The following RBFOX1 variants were observed in gnomAD, a reference collection of about 807,000 sequenced individuals.
RBFOX1 encodes RNA binding protein fox-1 homolog 1.
RBFOX1 carries 8 observed loss-of-function variants against 57.7 expected under a neutral mutation model. That is an observed-to-expected ratio of 0.14 (90% CI 0.08 to 0.25). The LOEUF is 0.25. RBFOX1 is among the 10% of genes least tolerant of loss of function. The pLI is 1.00. For synonymous variants in RBFOX1, 326 were observed against 222.4 expected (o/e 1.47, Z -4.15); for missense variants, 611 against 548.5 (o/e 1.11, Z -1.14).
intron 2 of RBFOX1, among the ~76,000 whole-genome samples, chr16:5,597,454 A>T (rs1223055786): frequency 7.1e-6 from 1 of 141,810 alleles, no homozygotes; most frequent in Non-Finnish European, 1.5e-5. Flanking sequence ...GCTGGAGTGC[A>T]ATGGCGGTGG....
chr16:5,925,930 G>C (rs949041464), intron 4 of RBFOX1, among the ~76,000 whole-genome samples: 1 of 152,066 alleles, frequency 6.6e-6, no homozygotes, highest in Admixed American at 6.5e-5. Context: ...TTATCTCTCC[G>C]TAGACTAAAC....
chr16:6,502,515 G>C (rs935982866), intron 2 of RBFOX1, among the ~76,000 whole-genome samples: 2 of 152,098 alleles, frequency 1.3e-5, no homozygotes, highest in Non-Finnish European at 2.9e-5. Context: ...AGGATTGTAC[G>C]ACATTCTGCA....
intron 4 of RBFOX1, among the ~76,000 whole-genome samples, chr16:7,408,444 C>G (rs545573579): frequency 1.3e-5 from 2 of 152,354 alleles, no homozygotes; most frequent in African/African-American, 4.8e-5. Flanking sequence ...CAGTGCATCT[C>G]TGAAAATATT....
At chr16:5,577,273 C>T (rs79659071) in intron 2 of RBFOX1, among the ~76,000 whole-genome samples, 228 of 152,276 alleles carry the variant, frequency 1.5e-3, no homozygotes, top group African/African-American at 5.1e-3. Flanking sequence ...GGCTCCTGTT[C>T]GTCTGATTGG....
At chr16:5,440,942 CACTT>C (rs2068066194) in intron 1 of RBFOX1, among the ~76,000 whole-genome samples, 1 of 152,134 alleles carries the variant, frequency 6.6e-6, no homozygotes, top group African/African-American at 2.4e-5. Flanking sequence ...TTTCCAGACT[CACTT>C]TGTCATACTT....
chr16:7,126,045 T>C (rs1428407838), intron 4 of RBFOX1, among the ~76,000 whole-genome samples: 3 of 152,116 alleles, frequency 2.0e-5, no homozygotes, highest in African/African-American at 7.2e-5. Context: ...ATCGCACCAT[T>C]GCACTGCAGC....
chr16:6,821,019 C>G (rs1399305834), intron 3 of RBFOX1, among the ~76,000 whole-genome samples: 1 of 152,192 alleles, frequency 6.6e-6, no homozygotes, highest in Non-Finnish European at 1.5e-5. Context: ...GTTATTATCA[C>G]TTAATTCTTA....
At chr16:5,458,010 C>CA (rs1319618493) in intron 1 of RBFOX1, among the ~76,000 whole-genome samples, 1 of 152,140 alleles carries the variant, frequency 6.6e-6, no homozygotes, top group Non-Finnish European at 1.5e-5. Context: ...CCCCTCTTTG[C>CA]TGTCTTGGGG....
chr16:6,327,364 G>A (rs2082493398), intron 2 of RBFOX1, among the ~76,000 whole-genome samples: 1 of 152,050 alleles, frequency 6.6e-6, no homozygotes, highest in Non-Finnish European at 1.5e-5. Flanking sequence ...AATCACTAGA[G>A]TTAATTACTT....
chr16:6,160,424 G>A (rs1364871362), intron 1 of RBFOX1, among the ~76,000 whole-genome samples: 1 of 151,982 alleles, frequency 6.6e-6, no homozygotes, highest in East Asian at 1.9e-4. Flanking sequence ...CTAAAATAGG[G>A]AAGTCAACCT....
chr16:6,992,580 A>G (rs986729492), intron 3 of RBFOX1, among the ~76,000 whole-genome samples: 1 of 152,088 alleles, frequency 6.6e-6, no homozygotes, highest in South Asian at 2.1e-4. Flanking sequence ...TAGTCGTGGT[A>G]TTTCTCTGTG....
chr16:5,499,499 A>ACC (rs2043115199), intron 2 of RBFOX1, among the ~76,000 whole-genome samples: 1 of 152,178 alleles, frequency 6.6e-6, no homozygotes, highest in South Asian at 2.1e-4. Flanking sequence ...GAGAGGCTAC[A>ACC]TCACTTAACC....
At chr16:6,360,009 C>A (rs531319329) in intron 2 of RBFOX1, among the ~76,000 whole-genome samples, 13 of 152,166 alleles carry the variant, frequency 8.5e-5, no homozygotes, top group Non-Finnish European at 1.9e-4. Context: ...GATTACAGAA[C>A]GTGAGGAACA....
At chr16:6,297,985 G>T (rs181875642) in intron 1 of RBFOX1, among the ~76,000 whole-genome samples, 4 of 152,182 alleles carry the variant, frequency 2.6e-5, no homozygotes, top group Non-Finnish European at 5.9e-5. Flanking sequence ...CAGTTCTTTC[G>T]GGGTGCTGGA....
At chr16:6,819,724 A>C (rs1293003628) in intron 3 of RBFOX1, among the ~76,000 whole-genome samples, 2 of 144,000 alleles carry the variant, frequency 1.4e-5, no homozygotes, top group South Asian at 4.5e-4. Context: ...AAAAAAAAAA[A>C]AAAAAAATAA....
intron 4 of RBFOX1, among the ~76,000 whole-genome samples, chr16:5,956,676 A>ATG: frequency 9.6e-6 from 1 of 104,064 alleles, no homozygotes; most frequent in Admixed American, 1.1e-4. Context: ...ATATATATAT[A>ATG]TATTTTTTTT....
chr16:5,565,668 A>G (rs1358196043), intron 2 of RBFOX1, among the ~76,000 whole-genome samples: 1 of 143,032 alleles, frequency 7.0e-6, no homozygotes, highest in African/African-American at 2.7e-5. Context: ...AAATAAATAA[A>G]TAATTTGCAA....
At chr16:6,735,674 C>G (rs540226429) in intron 3 of RBFOX1, among the ~76,000 whole-genome samples, 2 of 152,282 alleles carry the variant, frequency 1.3e-5, no homozygotes, top group South Asian at 2.1e-4. Context: ...CTGAGACTCT[C>G]TCAGATCCCT....
At chr16:6,968,085 G>A (rs2084687419) in intron 3 of RBFOX1, among the ~76,000 whole-genome samples, 1 of 152,118 alleles carries the variant, frequency 6.6e-6, no homozygotes, top group Non-Finnish European at 1.5e-5. Flanking sequence ...GCATGAGAGA[G>A]CCACTGGAAT....
Sources: gnomAD v4.1 joint callset for allele counts (sites outside exome capture counted in the v4.1 genomes callset) on GRCh38, gnomAD v4.1.1 for gene constraint, MANE v1.5 for transcripts, NCBI Gene and HGNC (gene_info 2026-07-23, HGNC 2026-07-21) for gene names.